Variants in CNOT1 observed in about 807,000 individuals in gnomAD.
The protein encoded by CNOT1 is CCR4-NOT transcription complex subunit 1.
Under a neutral mutation model 273.8 loss-of-function variants are expected in CNOT1, and 15 were observed. That is an observed-to-expected ratio of 0.05 (90% confidence interval 0.04 to 0.08). The LOEUF (loss-of-function observed/expected upper bound fraction) is 0.08, where lower values mean the gene tolerates loss of function less well. CNOT1 is among the 10% of genes least tolerant of loss of function. The probability of loss-of-function intolerance (pLI) is 1.00; values close to 1 mark genes in which losing one functional copy is unlikely to be tolerated. For missense variants in CNOT1, 1,644 were observed against 2,912.2 expected, an observed-to-expected ratio of 0.56 and a Z score of 10.02; for synonymous variants, 1,022 against 1,005.5, an observed-to-expected ratio of 1.02 and a Z score of -0.31.
At chr16:58,546,218 T>C in intron 29 of CNOT1, 103 bp downstream of exon 29, 1 of 1,033,190 alleles carries the variant, frequency 9.7e-7, no homozygotes, top group Non-Finnish European at 1.4e-6. Context: ...GTTTCACCAC[T>C]ACATTATGTG....
chr16:58,576,577 C>T lies in CNOT1; in HGVS notation c.1590G>A (p.Gln530=). 3 of 1,614,120 alleles carry T rather than the reference C, an allele frequency of 1.9e-6. No individual in the cohort carries two copies. The highest frequency in any genetic ancestry group is 1.7e-6 in the Non-Finnish European group (2 of 1,180,006). Residue 530 remains glutamine, a synonymous_variant, in exon 14 of 49, where the codon CAG becomes CAA. Coordinates refer to ENST00000317147, the MANE Select transcript of CNOT1 (RefSeq NM_016284.5). ...ILHYAWHGQG[Q]SPSIRQLIMH... ...TGATAAGTTGGCGAATTGAGGGAGA[C>T]TGTCCCTAAAAAGGGGAAGAAAGAT...
At chr16:58,598,636 TA>T (rs748040031) in intron 2 of CNOT1, among the ~76,000 whole-genome samples, 3,077 of 119,968 alleles carry the variant, frequency 0.026, 47 homozygotes, top group South Asian at 0.054. Flanking sequence ...CTGTCTCAAA[TA>T]AAAAAAAAAA....
chr16:58,626,674 C>T (rs1178663635), intron 1 of CNOT1, among the ~76,000 whole-genome samples: 2 of 151,576 alleles, frequency 1.3e-5, no homozygotes, highest in Non-Finnish European at 2.9e-5. Flanking sequence ...GCAGGAGAAT[C>T]GCTTGAACCC....
At chr16:58,535,236 T>G (rs1369406881) in intron 39 of CNOT1, among the ~76,000 whole-genome samples, 1 of 152,172 alleles carries the variant, frequency 6.6e-6, no homozygotes. Context: ...AACTTAACTG[T>G]TCCTGATAAG....
At chr16:58,528,713 T>C in intron 43 of CNOT1, 65 bp from the exon 44 acceptor site, 1 of 1,176,280 alleles carries the variant, frequency 8.5e-7, no homozygotes, top group Middle Eastern at 2.0e-4. Flanking sequence ...TTTCCTATTG[T>C]AACTTAAGCC....
chr16:58,555,775 G>C lies in CNOT1; in HGVS notation c.2604+9C>G. On this transcript the variant is annotated intron_variant, in intron 20 of 48. Coordinates refer to ENST00000317147, the MANE Select transcript of CNOT1 (RefSeq NM_016284.5). Reference sequence around the variant, plus strand: ...AACAATAAATAAGTAGATCATCCTAGACACTCACCTCATCAACAGACATGG... The same window carrying C: ...AACAATAAATAAGTAGATCATCCTACACACTCACCTCATCAACAGACATGG... 6.2e-7 allele frequency: 1 copy of C among 1,613,774 alleles called. No individual in the cohort carries two copies. Among genetic ancestry groups the C allele is most frequent in the Non-Finnish European group, 8.5e-7 (1 of 1,180,012 alleles).
In CNOT1 at chr16:58,614,106, A is replaced by G. The variant is rs1010168119; in HGVS notation, c.-174-14595T>C. On this transcript the variant is annotated intron_variant, in intron 1 of 48. Coordinates refer to ENST00000317147, the MANE Select transcript of CNOT1 (RefSeq NM_016284.5). Reference sequence around the variant, plus strand: ...GACACTGTCTCAAAAAAAAAAAAAAAGAAAAGAAAATTACTCTCAAAACCA... The same window carrying G: ...GACACTGTCTCAAAAAAAAAAAAAAGGAAAAGAAAATTACTCTCAAAACCA... Among the ~76,000 whole-genome samples, 28 of 118,668 alleles carry G rather than the reference A, an allele frequency of 2.4e-4. 7 individuals carry two copies. The highest frequency in any genetic ancestry group is 8.5e-5 in the African/African-American group (3 of 35,226). 77.9% of individuals were successfully genotyped at this position (118,668 alleles called of 152,430 possible).
intron 22 of CNOT1, among the ~76,000 whole-genome samples, chr16:58,552,354 AG>A (rs1289863049): frequency 1.3e-5 from 2 of 152,166 alleles, no homozygotes; most frequent in African/African-American, 2.4e-5. Context: ...TGTATGCAAC[AG>A]TTTTATTTTT....
Position 58,574,632 on chromosome 16 carries a change from C to T in CNOT1, c.1956G>A (p.Leu652=), listed in dbSNP as rs754308694. 1 of 1,598,486 alleles carries T rather than the reference C, an allele frequency of 6.3e-7. No individual in the cohort carries two copies. The highest frequency in any genetic ancestry group is 8.5e-7 in the Non-Finnish European group (1 of 1,176,758). The change falls in exon 16 of 49, where the codon TTG becomes TTA. Residue 652 remains leucine, a synonymous_variant. Transcript: ENST00000317147. ...ACCCTGCACAAGCTTGCAGACAGGC[C>T]AACATTGTCGCCAAAGTTTCTGGAG... The part of the protein sequence containing the change: ...QLPPETLATM[L]ACLQACAGSV...
intron 19 of CNOT1, among the ~76,000 whole-genome samples, chr16:58,556,303 C>T (rs1203809982): frequency 6.6e-6 from 1 of 152,282 alleles, no homozygotes; most frequent in East Asian, 1.9e-4. Flanking sequence ...AAGCATGCTA[C>T]AAAACATAAC....
chr16:58,551,696 G>A lies in CNOT1; in HGVS notation c.3094C>T (p.Leu1032Phe), dbSNP rs1237208375. The change falls in exon 23 of 49, where the codon CTT (leucine) becomes TTT (phenylalanine). Residue 1032 changes from leucine to phenylalanine, a missense_variant. Physicochemically the swap from Leu to Phe is conservative, Grantham distance 22 (BLOSUM62 0). Coordinates refer to ENST00000317147, the MANE Select transcript of CNOT1 (RefSeq NM_016284.5). ...AQAQVPAKAP[L>F]AGQVSTMVTT... is the part of the protein sequence containing the mutation. The stretch of plus-strand genomic sequence containing the variant: ...ACCATAGTGCTAACTTGACCAGCAA[G>A]AGGAGCTTTTGCTGGAACCTGGGCC... 2.5e-6 allele frequency: 4 copies of A among 1,614,100 alleles called. No individual in the cohort carries two copies. The highest frequency in any genetic ancestry group is 2.7e-5 in the African/African-American group (2 of 74,936).
At chr16:58,551,051 G>A in intron 24 of CNOT1, 81 bp downstream of exon 24, 1 of 1,560,910 alleles carries the variant, frequency 6.4e-7, no homozygotes. Context: ...TTTAAAGTGA[G>A]TATGTAAAAG....
intron 10 of CNOT1, among the ~76,000 whole-genome samples, chr16:58,581,772 G>A (rs1047510357): frequency 3.3e-5 from 5 of 151,668 alleles, no homozygotes; most frequent in South Asian, 2.1e-4. Flanking sequence ...AGAGATTCTC[G>A]TGCCTCAGCC....
At chr16:58,541,388 GT>G in intron 34 of CNOT1, 112 bp downstream of exon 34, 2 of 1,473,392 alleles carry the variant, frequency 1.4e-6, no homozygotes, top group Non-Finnish European at 9.1e-7. Context: ...AACTATAGGT[GT>G]TTTTTCCCCT....
intron 16 of CNOT1, among the ~76,000 whole-genome samples, chr16:58,562,859 C>G (rs2040908410): frequency 6.6e-6 from 1 of 152,110 alleles, no homozygotes; most frequent in South Asian, 2.1e-4. Context: ...CGTACATGAA[C>G]TTAGTCTTTA....
At chr16:58,532,753 A>T (rs528487206) in intron 40 of CNOT1, 8 of 191,788 alleles carry the variant, frequency 4.2e-5, no homozygotes, top group South Asian at 3.7e-4. Flanking sequence ...GACATGTGGG[A>T]ATGATTTACT....
In CNOT1 at chr16:58,547,364, A is replaced by G. The variant is rs2151923557; in HGVS notation, c.3640-68T>C. 3 of 1,588,772 alleles carry G rather than the reference A, an allele frequency of 1.9e-6. No individual in the cohort carries two copies. The highest frequency in any genetic ancestry group is 4.5e-5 in the East Asian group (2 of 44,518). On this transcript the variant is annotated intron_variant, in intron 26 of 48. Coordinates refer to ENST00000317147, the MANE Select transcript of CNOT1 (RefSeq NM_016284.5). This position sits in a 1 kb window ranked among gnomAD's most constrained non-coding sequence, Gnocchi z 4.0. Reference sequence around the variant, plus strand: ...CCAAAATGGTATAACAAAACCAAAGAAAAGTATTTTGCCAAGCTTATCCCC... The same window carrying G: ...CCAAAATGGTATAACAAAACCAAAGGAAAGTATTTTGCCAAGCTTATCCCC...
chr16:58,572,626 G>C (rs143831202), intron 16 of CNOT1, among the ~76,000 whole-genome samples: 1 of 151,698 alleles, frequency 6.6e-6, no homozygotes, highest in Non-Finnish European at 1.5e-5. Flanking sequence ...TTAAGTTAAC[G>C]CCAGGCGTGG....
chr16:58,530,786 A>AAAAAAAAAG (rs2039755936), intron 42 of CNOT1: 1 of 151,490 alleles, frequency 6.6e-6, no homozygotes, highest in Non-Finnish European at 1.5e-5. Context: ...CTCCATCAAA[A>AAAAAAAAAG]AAAAAAAAAG....
Sources: allele counts gnomAD v4.1 joint callset (sites outside exome capture counted in the v4.1 genomes callset), GRCh38; gene constraint gnomAD v4.1.1; non-coding constraint Gnocchi (gnomAD v3.1); transcripts MANE v1.5; gene names NCBI Gene and HGNC (gene_info 2026-07-23, HGNC 2026-07-21).